PDHX: variants seen among roughly 807,000 people sequenced by gnomAD.
PDHX encodes pyruvate dehydrogenase complex component X, also known as pyruvate dehydrogenase protein X component, mitochondrial.
In PDHX, 33 loss-of-function variants were observed where a neutral mutation model predicts 55.3. The observed-to-expected ratio is 0.60, with a 90% CI of 0.45 to 0.80. The LOEUF is 0.80. Ranked by LOEUF, PDHX falls within the 30% of genes least tolerant of loss-of-function variation. PDHX has a pLI of 0.00. For synonymous variants in PDHX, 226 were observed against 219.4 expected, an observed-to-expected ratio of 1.03 and a Z score of -0.27; for missense variants, 622 against 619.9, an observed-to-expected ratio of 1.00 and a Z score of -0.04.
intron 3 of PDHX, among the ~76,000 whole-genome samples, chr11:34,949,491 C>T (rs1298822455): frequency 6.6e-6 from 1 of 152,158 alleles, no homozygotes; most frequent in African/African-American, 2.4e-5. Flanking sequence ...CCCACCTTGG[C>T]CTCCCAAAGT....
chr11:34,916,584 C>T (rs1853711230), upstream of PDHX: 1 of 1,581,098 alleles, frequency 6.3e-7, no homozygotes, highest in Non-Finnish European at 8.6e-7. Flanking sequence ...GCGTGGCCAA[C>T]CATGCGGGAG....
At chr11:34,938,057 G>T (rs1163191591) in intron 2 of PDHX, among the ~76,000 whole-genome samples, 1 of 152,178 alleles carries the variant, frequency 6.6e-6, no homozygotes, top group Non-Finnish European at 1.5e-5. Context: ...TTCTAGTAAT[G>T]AAAAATATAG....
chr11:34,960,563 G>A lies in PDHX; in HGVS notation c.641+45G>A, dbSNP rs748046906. The stretch of plus-strand genomic sequence containing the variant: ...AATAACCAGTTCCATTATTTATTAT[G>A]ATCATGTTTTTTTGAAAGAAAATAA... On this transcript the variant is annotated intron_variant, in intron 5 of 10. Coordinates refer to ENST00000227868, the MANE Select transcript of PDHX (RefSeq NM_003477.3). 5.2e-6 allele frequency: 6 copies of A among 1,146,518 alleles called. No individual in the cohort carries two copies. The African/African-American group carries it at 9.2e-5, about 18-fold the overall frequency. The allele number at this position is 1,146,518 out of a possible 1,614,324, so 71.0% of individuals were successfully genotyped here.
At chr11:34,916,962 A>G in intron 1 of PDHX, 147 bp downstream of exon 1, 5 of 843,432 alleles carry the variant, frequency 5.9e-6, no homozygotes, top group Non-Finnish European at 9.6e-6. Flanking sequence ...GGGTCCGCCG[A>G]CTTGGCCTAA....
At chr11:34,938,184 C>A (rs1854382037) in intron 2 of PDHX, among the ~76,000 whole-genome samples, 1 of 152,016 alleles carries the variant, frequency 6.6e-6, no homozygotes, top group African/African-American at 2.4e-5. Context: ...GCATGTAGCA[C>A]ATAGAGACAG....
At chr11:34,947,701 T>C (rs1854657534) in intron 3 of PDHX, 95 bp downstream of exon 3, 2 of 826,982 alleles carry the variant, frequency 2.4e-6, no homozygotes, top group African/African-American at 3.4e-5. Flanking sequence ...GCCTCCTTAT[T>C]TTTAATGTGT....
chr11:34,994,593 AATCTT>A (rs1371589844), intron 10 of PDHX, among the ~76,000 whole-genome samples: 1 of 152,232 alleles, frequency 6.6e-6, no homozygotes, highest in Non-Finnish European at 1.5e-5. Flanking sequence ...GCTCCATTAT[AATCTT>A]ATAAGACCAC....
chr11:34,974,390 A>G (rs949941899), intron 7 of PDHX, among the ~76,000 whole-genome samples: 2 of 152,048 alleles, frequency 1.3e-5, no homozygotes, highest in African/African-American at 4.8e-5. Flanking sequence ...TATCTACCCT[A>G]CTTTGTTAAT....
intron 9 of PDHX, among the ~76,000 whole-genome samples, chr11:34,987,288 G>C (rs538412557): frequency 6.6e-6 from 1 of 152,194 alleles, no homozygotes; most frequent in East Asian, 1.9e-4. Context: ...ACTCTTGCTG[G>C]GCAGGTCTGT....
At chr11:34,936,784 T>TTTTC (rs1223227783) in intron 2 of PDHX, among the ~76,000 whole-genome samples, 1,836 of 81,290 alleles carry the variant, frequency 0.023, 54 homozygotes, top group African/African-American at 0.046. Flanking sequence ...TTTTCTTTTC[T>TTTTC]TTTTTTTTTT....
In PDHX at chr11:34,926,062, A is replaced by C. The variant is rs72912907; in HGVS notation, c.161-5342A>C. Among the ~76,000 whole-genome samples, 180 of 152,250 alleles carry C rather than the reference A, an allele frequency of 1.2e-3. 1 individual carries two copies. Among genetic ancestry groups the C allele is most frequent in the South Asian group, 1.2e-3 (6 of 4,826 alleles). On this transcript the variant is annotated intron_variant, in intron 1 of 10. Transcript: ENST00000227868. The stretch of plus-strand genomic sequence containing the variant: ...TTTTCACACAAACTGTTGTGCATTC[A>C]TTTTCTGTTGTGGTCCATTGACATT...
chr11:34,916,499 TG>T (rs1565143975), upstream of PDHX: 1 of 1,443,022 alleles, frequency 6.9e-7, no homozygotes, highest in South Asian at 1.4e-5. Context: ...AAGGCCAACG[TG>T]GTTGGAGGCG....
chr11:34,945,804 C>G (rs1042605723), intron 2 of PDHX, among the ~76,000 whole-genome samples: 1 of 152,064 alleles, frequency 6.6e-6, no homozygotes, highest in Non-Finnish European at 1.5e-5. Context: ...TACATGTATA[C>G]CCATGTTACC....
chr11:34,946,069 T>C (rs1854611855), intron 2 of PDHX, among the ~76,000 whole-genome samples: 2 of 152,198 alleles, frequency 1.3e-5, no homozygotes, highest in African/African-American at 4.8e-5. Flanking sequence ...CTTTTCTGTT[T>C]TTTCGTTTTG....
chr11:34,984,471 C>G (rs954040523), intron 8 of PDHX, 99 bp from the exon 9 acceptor site: 11 of 955,300 alleles, frequency 1.2e-5, no homozygotes, highest in Non-Finnish European at 1.8e-5. Flanking sequence ...TCTTATCTAG[C>G]TATGTTCACT....
At chr11:34,978,248 G>T in intron 8 of PDHX, 66 bp downstream of exon 8, 1 of 912,980 alleles carries the variant, frequency 1.1e-6, no homozygotes, top group South Asian at 1.4e-5. Context: ...TTTTTACAAT[G>T]ACAAATAGAA....
intron 8 of PDHX, among the ~76,000 whole-genome samples, chr11:34,983,524 C>G (rs1855568754): frequency 6.6e-6 from 1 of 151,942 alleles, no homozygotes; most frequent in African/African-American, 2.4e-5. Flanking sequence ...TCTAGAAAAC[C>G]CCATTGTCTC....
chr11:34,951,518 C>T (rs1186291735), intron 3 of PDHX, among the ~76,000 whole-genome samples: 1 of 151,884 alleles, frequency 6.6e-6, no homozygotes, highest in Non-Finnish European at 1.5e-5. Context: ...CTGTTCATAC[C>T]CTTTGCCCAC....
At chr11:34,971,562 G>A (rs970352810) in intron 7 of PDHX, among the ~76,000 whole-genome samples, 1 of 151,956 alleles carries the variant, frequency 6.6e-6, no homozygotes, top group African/African-American at 2.4e-5. Flanking sequence ...TCCTTTTTCT[G>A]TCTGTTAATA....
Sources: allele counts gnomAD v4.1 joint callset (sites outside exome capture counted in the v4.1 genomes callset), GRCh38; gene constraint gnomAD v4.1.1; transcripts MANE v1.5; gene names NCBI Gene and HGNC (gene_info 2026-07-23, HGNC 2026-07-21).